Variants in ENG observed in about 807,000 individuals in gnomAD.
The protein encoded by ENG is endoglin.
Under a neutral mutation model 71.0 loss-of-function variants are expected in ENG, and 17 were observed. The ratio of observed to expected loss-of-function variants is 0.24; its 90% CI spans 0.16 to 0.36. The LOEUF is 0.36. Ranked by LOEUF, ENG falls within the 10% of genes least tolerant of loss-of-function variation. ENG has a pLI of 1.00. For synonymous variants in ENG, 360 were observed against 366.9 expected, an observed-to-expected ratio of 0.98 and a Z score of 0.21; for missense variants, 749 against 868.3, an observed-to-expected ratio of 0.86 and a Z score of 1.73.
chr9:127,825,957 C>CAGG, intron 4 of ENG, 97 bp from the exon 5 acceptor site: 2 of 1,482,166 alleles, frequency 1.3e-6, no homozygotes, highest in Non-Finnish European at 1.8e-6. Context: ...GTGGGGCAGG[C>CAGG]AGGACGGTGC....
Position 127,825,779 on chromosome 9 carries a change from G to T in ENG, c.605C>A (p.Ala202Asp), listed in dbSNP as rs750916329. Residue 202 changes from alanine to aspartate, a missense_variant, in exon 5 of 15, where the codon GCC becomes GAC. Ala to Asp is a moderately radical substitution (Grantham distance 126). Transcript: ENST00000373203. Reference sequence around the variant, plus strand: ...TTCCAAGTGGCAGCCCCGGACCAAGGCTGGAGTACGCGGCCGCCACTCGAG... The same window carrying T: ...TTCCAAGTGGCAGCCCCGGACCAAGTCTGGAGTACGCGGCCGCCACTCGAG... ...RTLEWRPRTP[A>D]LVRGCHLEGV... is the part of the protein sequence containing the mutation. The T allele has an allele frequency of 1.1e-5, 17 of 1,595,672 alleles. No homozygotes were observed. Among genetic ancestry groups the T allele is most frequent in the Non-Finnish European group, 1.2e-5 (14 of 1,172,600 alleles).
Position 127,854,445 on chromosome 9 carries a change from C to T in ENG, c.-90G>A, listed in dbSNP as rs768083796. Reference sequence around the variant, plus strand: ...GCACCGGGGCCGGCGTGGGCTCGCACGGGGACCCGAGGGGAGCAGGCGGCC... The same window carrying T: ...GCACCGGGGCCGGCGTGGGCTCGCATGGGGACCCGAGGGGAGCAGGCGGCC... On this transcript the variant is annotated 5_prime_UTR_variant, in exon 1 of 15. It adds an upstream start codon to the 5' untranslated region. Transcript: ENST00000373203. 4.7e-5 allele frequency: 67 copies of T among 1,428,502 alleles called. 1 individual carries two copies. The highest frequency in any genetic ancestry group is 2.3e-4 in the Middle Eastern group (1 of 4,442). 88.5% of individuals were successfully genotyped at this position (1,428,502 alleles called of 1,614,324 possible).
intron 12 of ENG, 82 bp from the exon 13 acceptor site, chr9:127,817,285 C>T (rs1830347779): frequency 1.4e-6 from 2 of 1,422,874 alleles, no homozygotes; most frequent in Admixed American, 1.8e-5. Context: ...GACCCCAGCC[C>T]ACCCTAGAGC....
At chr9:127,845,653 G>C (rs968153124) in intron 1 of ENG, among the ~76,000 whole-genome samples, 1 of 152,210 alleles carries the variant, frequency 6.6e-6, no homozygotes, top group Non-Finnish European at 1.5e-5. Flanking sequence ...ATGATCCACA[G>C]AGGTGGCTGG....
Position 127,820,017 on chromosome 9 carries a change from C to T in ENG, c.1155G>A (p.Thr385=), listed in dbSNP as rs770249062. The T allele has an allele frequency of 8.1e-6, 13 of 1,614,060 alleles. No homozygotes were observed. Among genetic ancestry groups the T allele is most frequent in the South Asian group, 6.6e-5 (6 of 91,084 alleles). Residue 385 remains threonine (T), a synonymous_variant, in exon 9 of 15, where the codon ACG becomes ACA. Transcript: ENST00000373203. ...AGCTGGGGTCCCAGAAGGTCAGGCCCGTGATGGTGCACTTCAAATGCTGGG... is the reference window on the plus strand; with the variant it reads ...AGCTGGGGTCCCAGAAGGTCAGGCCTGTGATGGTGCACTTCAAATGCTGGG... ...ELVAHLKCTI[T]GLTFWDPSCE...
chr9:127,816,038 C>A lies in ENG; in HGVS notation c.1757G>T (p.Gly586Val). The part of the protein sequence containing the change: ...SPDLSGCTSK[G>V]LVLPAVLGIT... ...GCCCAGCACGGCGGGCAGGACGAGG[C>A]CTTTGCTTGTGCAACCTAGAGAGGG... The change falls in exon 14 of 15, where the codon GGC becomes GTC. Residue 586 changes from glycine to valine, a missense_variant. Physicochemically the swap from Gly to Val is moderately radical, Grantham distance 109. Coordinates refer to ENST00000373203, the MANE Select transcript of ENG (RefSeq NM_001114753.3). 1 of 1,610,222 alleles carries A rather than the reference C, an allele frequency of 6.2e-7. No individual in the cohort carries two copies. The highest frequency in any genetic ancestry group is 2.2e-5 in the East Asian group (1 of 44,792).
chr9:127,834,098 G>A (rs186174885), intron 2 of ENG, among the ~76,000 whole-genome samples: 1 of 152,256 alleles, frequency 6.6e-6, no homozygotes, highest in East Asian at 1.9e-4. Flanking sequence ...TTTTGAGATG[G>A]AGTCTTGCCC....
At chr9:127,835,712 G>A (rs1309595236) in intron 2 of ENG, among the ~76,000 whole-genome samples, 2 of 152,106 alleles carry the variant, frequency 1.3e-5, no homozygotes, top group Non-Finnish European at 2.9e-5. Context: ...TTCCTCATCT[G>A]TGAAATGGGG....
intron 12 of ENG, 188 bp downstream of exon 12, chr9:127,817,932 G>A: frequency 1.2e-6 from 1 of 800,384 alleles, no homozygotes; most frequent in East Asian, 2.7e-5. Context: ...AGACACAGCA[G>A]TCCCACCAGA....
At chr9:127,818,941 T>A in intron 10 of ENG, 109 bp from the exon 11 acceptor site, 1 of 217,482 alleles carries the variant, frequency 4.6e-6, no homozygotes, top group Non-Finnish European at 8.2e-6. Context: ...CCTGACTCTC[T>A]TTTTTTTTTT....
chr9:127,842,964 C>T (rs1831075485), intron 2 of ENG, 130 bp downstream of exon 2: 1 of 1,438,698 alleles, frequency 7.0e-7, no homozygotes, highest in Non-Finnish European at 9.7e-7. Context: ...GCCCACATCA[C>T]TCTCTTGGCA....
chr9:127,833,609 C>T (rs1158706800), intron 2 of ENG, among the ~76,000 whole-genome samples: 1 of 151,398 alleles, frequency 6.6e-6, no homozygotes, highest in African/African-American at 2.4e-5. Context: ...ATGTAATTTG[C>T]TGAAACACAG....
chr9:127,825,438 G>A, intron 5 of ENG, 81 bp from the exon 6 acceptor site: 3 of 1,589,734 alleles, frequency 1.9e-6, no homozygotes, highest in Non-Finnish European at 2.6e-6. Flanking sequence ...GTGGGCGGCG[G>A]CTGCACTCTT....
chr9:127,817,445 G>A, intron 12 of ENG: 1 of 590,492 alleles, frequency 1.7e-6, no homozygotes, highest in Non-Finnish European at 3.1e-6. Context: ...TGATGCCCAG[G>A]AGCACTGTGG....
chr9:127,834,531 A>G (rs999815689), intron 2 of ENG, among the ~76,000 whole-genome samples: 1 of 152,138 alleles, frequency 6.6e-6, no homozygotes, highest in African/African-American at 2.4e-5. Context: ...CAGACTCCTG[A>G]GTAACTGGGA....
chr9:127,834,214 A>G (rs1455892998), intron 2 of ENG, among the ~76,000 whole-genome samples: 1 of 152,124 alleles, frequency 6.6e-6, no homozygotes, highest in African/African-American at 2.4e-5. Flanking sequence ...CTGGGACTAC[A>G]GGCGTGCGCC....
intron 2 of ENG, among the ~76,000 whole-genome samples, chr9:127,833,734 T>G (rs1830826520): frequency 6.6e-6 from 1 of 152,194 alleles, no homozygotes; most frequent in Non-Finnish European, 1.5e-5. Context: ...TGGAAAGTTT[T>G]GAGATTTAAC....
At chr9:127,851,969 A>G (rs909379669) in intron 1 of ENG, among the ~76,000 whole-genome samples, 5 of 152,134 alleles carry the variant, frequency 3.3e-5, no homozygotes, top group Non-Finnish European at 7.4e-5. Flanking sequence ...TCTATTCCAG[A>G]ATTTTCTCTG....
At chr9:127,825,615 A>G (rs1830591722) in intron 5 of ENG, 80 bp downstream of exon 5, 1 of 1,073,134 alleles carries the variant, frequency 9.3e-7, no homozygotes, top group African/African-American at 3.4e-5. Context: ...TTTATAAGGG[A>G]CCGGAGAGGG....
Sources: gnomAD v4.1 joint callset for allele counts (sites outside exome capture counted in the v4.1 genomes callset) on GRCh38, gnomAD v4.1.1 for gene constraint, MANE v1.5 for transcripts, NCBI Gene and HGNC (gene_info 2026-07-23, HGNC 2026-07-21) for gene names.